PATJ: variants seen among roughly 807,000 people sequenced by gnomAD.
The protein encoded by PATJ is PATJ crumbs cell polarity complex component.
A neutral mutation model predicts 224.9 loss-of-function variants in PATJ; 190 were observed. The observed-to-expected ratio is 0.84, with a 90% confidence interval of 0.75 to 0.95. The LOEUF is 0.95. PATJ is among the 40% of genes least tolerant of loss of function. PATJ has a pLI of 0.00. For missense variants in PATJ, 2,121 were observed against 2,270.3 expected (o/e 0.93, Z 1.34); for synonymous variants, 769 against 820.3 (o/e 0.94, Z 1.07).
intron 1 of PATJ, among the ~76,000 whole-genome samples, chr1:61,746,661 T>G (rs1645040557): frequency 7.0e-6 from 1 of 142,902 alleles, no homozygotes; most frequent in African/African-American, 2.5e-5. Context: ...TGAAGCTGAA[T>G]AGAAAATTAA....
At chr1:61,847,010 G>A (rs1662078321) in intron 17 of PATJ, among the ~76,000 whole-genome samples, 1 of 152,130 alleles carries the variant, frequency 6.6e-6, no homozygotes, top group Admixed American at 6.5e-5. Context: ...GATTTGTTTT[G>A]TTTTCCTTAC....
chr1:61,808,666 C>T (rs1654068887), intron 14 of PATJ, 136 bp downstream of exon 14: 1 of 571,692 alleles, frequency 1.7e-6, no homozygotes, highest in Non-Finnish European at 3.1e-6. Flanking sequence ...GTTAGGATTA[C>T]AGGTGGAGCC....
Position 62,161,066 on chromosome 1 carries a change from G to C in PATJ, c.*12G>C. ...CTGTGCTGTCATGAGCCTCGGGCCT[G>C]ATCACAAGATAGATGTTGTTGTTTA... On this transcript the variant is annotated 3_prime_UTR_variant, in exon 44 of 44. Coordinates refer to ENST00000642238, the MANE Select transcript of PATJ (RefSeq NM_001350145.3). 1 of 1,451,064 alleles carries C rather than the reference G, an allele frequency of 6.9e-7. No homozygotes were observed. The highest frequency in any genetic ancestry group is 1.5e-5 in the South Asian group (1 of 65,224). 89.9% of individuals were successfully genotyped at this position (1,451,064 alleles called of 1,614,324 possible).
intron 28 of PATJ, among the ~76,000 whole-genome samples, chr1:61,999,675 C>G (rs1307577867): frequency 6.6e-6 from 1 of 151,758 alleles, no homozygotes; most frequent in African/African-American, 2.4e-5. Flanking sequence ...CTCAAAAAAA[C>G]AAACAAAACA....
intron 33 of PATJ, among the ~76,000 whole-genome samples, chr1:62,106,826 G>T (rs531252847): frequency 6.6e-6 from 1 of 152,200 alleles, no homozygotes; most frequent in African/African-American, 2.4e-5. Context: ...CATGCCTGGG[G>T]TCCTATAGGT....
chr1:62,163,501 A>G lies in PATJ; in HGVS notation c.*2447A>G, dbSNP rs1669979523. On this transcript the variant is annotated 3_prime_UTR_variant, in exon 44 of 44. Coordinates refer to ENST00000642238, the MANE Select transcript of PATJ (RefSeq NM_001350145.3). Reference sequence around the variant, plus strand: ...ATGGCCATTAAATACACATTTTGAGATAATACATTGTTGTGGTGTTTCTTT... The same window carrying G: ...ATGGCCATTAAATACACATTTTGAGGTAATACATTGTTGTGGTGTTTCTTT... 6.6e-6 allele frequency: 1 copy of G among 152,610 alleles called. No homozygotes were observed. The highest frequency in any genetic ancestry group is 1.5e-5 in the Non-Finnish European group (1 of 68,038). 9.5% of individuals were successfully genotyped at this position (152,610 alleles called of 1,614,324 possible). A position where few individuals can be genotyped will look rare whatever the true frequency, so the allele number is the denominator to read the frequency against.
At position 61,771,550 on chromosome 1, in the gene PATJ, T is replaced by C. The variant is rs376388321; in HGVS notation, c.644T>C (p.Leu215Pro). 6.2e-7 allele frequency: 1 copy of C among 1,613,570 alleles called. No individual in the cohort carries two copies. Among genetic ancestry groups the C allele is most frequent in the East Asian group, 2.2e-5 (1 of 44,838 alleles). The change falls in exon 6 of 44, where the codon CTG becomes CCG. Residue 215 changes from leucine to proline, a missense_variant. Transcript: ENST00000642238. The part of the protein sequence containing the change: ...LLQQTTGSLR[L>P]IVAREPVHTK... ...CAACAAACCACTGGATCTTTGAGAC[T>C]GATTGTGGCCAGGGAACCAGTCCAC...
At chr1:61,865,573 T>A (rs1319685800) in intron 20 of PATJ, 1 of 152,152 alleles carries the variant, frequency 6.6e-6, no homozygotes, top group Non-Finnish European at 1.5e-5. Flanking sequence ...AGATTTGCCT[T>A]TACTATTATA....
chr1:62,029,014 T>G (rs1203103106), intron 29 of PATJ, among the ~76,000 whole-genome samples: 1 of 117,592 alleles, frequency 8.5e-6, no homozygotes, highest in Non-Finnish European at 1.9e-5. Context: ...CCAGGGTTTA[T>G]TTCTTGGCTG....
chr1:62,144,715 G>A (rs1002671300), intron 41 of PATJ, among the ~76,000 whole-genome samples: 2 of 144,978 alleles, frequency 1.4e-5, no homozygotes, highest in Non-Finnish European at 3.0e-5. Flanking sequence ...TCCTGTTGTG[G>A]ACTCCCAGAG....
In PATJ at chr1:61,787,985, A is replaced by G. The variant is rs1229885643; in HGVS notation, c.1068+13A>G. The G allele has an allele frequency of 1.9e-6, 3 of 1,597,298 alleles. No individual in the cohort carries two copies. The highest frequency in any genetic ancestry group is 8.6e-7 in the Non-Finnish European group (1 of 1,166,710). On this transcript the variant is annotated intron_variant, in intron 8 of 43. Transcript: ENST00000642238. ...GGGCCCTGGTTCTGTGAGTATACATATCATTCTTTCATCTTAAACCAAAGC... is the reference window on the plus strand; with the variant it reads ...GGGCCCTGGTTCTGTGAGTATACATGTCATTCTTTCATCTTAAACCAAAGC...
intron 30 of PATJ, among the ~76,000 whole-genome samples, chr1:62,041,488 A>G (rs1025469585): frequency 6.6e-6 from 1 of 152,160 alleles, no homozygotes; most frequent in Non-Finnish European, 1.5e-5. Context: ...TATTGGAAGC[A>G]ATGAAAAGTG....
At chr1:62,078,000 T>A (rs749523677) in intron 31 of PATJ, among the ~76,000 whole-genome samples, 1 of 152,256 alleles carries the variant, frequency 6.6e-6, no homozygotes, top group African/African-American at 2.4e-5. Flanking sequence ...GCACAATGGA[T>A]GGTATTGTTT....
intron 7 of PATJ, among the ~76,000 whole-genome samples, chr1:61,783,502 C>G (rs1647810801): frequency 6.7e-6 from 1 of 148,392 alleles, no homozygotes; most frequent in African/African-American, 2.5e-5. Flanking sequence ...GATCCTAGCT[C>G]ACTGCAGCCT....
intron 27 of PATJ, among the ~76,000 whole-genome samples, chr1:61,967,441 A>C (rs1367769836): frequency 6.6e-6 from 1 of 152,210 alleles, no homozygotes; most frequent in Non-Finnish European, 1.5e-5. Context: ...TGCTTTTCAT[A>C]AGATTGACTT....
rs1173127944 is a variant in PATJ at position 61,875,240 on chromosome 1, A to G, written c.2836-3A>G. Reference sequence around the variant, plus strand: ...ATGCATTTCTATTTTTCTTCCTCTCAAGATGAAAGAAAATTTTGTCATGGA... The same window carrying G: ...ATGCATTTCTATTTTTCTTCCTCTCGAGATGAAAGAAAATTTTGTCATGGA... On this transcript the variant is annotated splice_region_variant and splice_polypyrimidine_tract_variant and intron_variant, in intron 20 of 43. Transcript: ENST00000642238. 3.8e-5 allele frequency: 60 copies of G among 1,576,400 alleles called. No homozygotes were observed. The Admixed American group carries it at 1.1e-3, about 28-fold the overall frequency.
At chr1:61,758,971 C>G (rs1190311919) in intron 1 of PATJ, among the ~76,000 whole-genome samples, 1 of 152,084 alleles carries the variant, frequency 6.6e-6, no homozygotes, top group Non-Finnish European at 1.5e-5. Flanking sequence ...CTAGCCATGC[C>G]CCAGACATCC....
chr1:62,144,241 C>T (rs1405061803), intron 41 of PATJ, among the ~76,000 whole-genome samples: 2 of 152,196 alleles, frequency 1.3e-5, no homozygotes, highest in Non-Finnish European at 2.9e-5. Flanking sequence ...GGATGCTTCA[C>T]CCAAAATGTG....
chr1:61,760,234 A>G (rs934900979), intron 1 of PATJ, among the ~76,000 whole-genome samples: 2 of 152,170 alleles, frequency 1.3e-5, no homozygotes, highest in Admixed American at 1.3e-4. Context: ...TTCCCATTGA[A>G]TCCAGTGAAC....
Sources: allele counts gnomAD v4.1 joint callset (sites outside exome capture counted in the v4.1 genomes callset), GRCh38; gene constraint gnomAD v4.1.1; transcripts MANE v1.5; gene names NCBI Gene and HGNC (gene_info 2026-07-23, HGNC 2026-07-21).